Variants in INTS6 observed in about 807,000 individuals in gnomAD.
The protein encoded by INTS6 is DEAD box protein.
INTS6 carries 16 observed loss-of-function variants against 104.9 expected under a neutral mutation model. That is an observed-to-expected ratio of 0.15 (90% CI 0.10 to 0.23). The LOEUF is 0.23. Ranked by LOEUF, INTS6 falls within the 10% of genes least tolerant of loss-of-function variation. INTS6 has a pLI of 1.00. For missense variants in INTS6, 584 were observed against 1,062.8 expected, an observed-to-expected ratio of 0.55 and a Z score of 6.26; for synonymous variants, 324 against 358.7, an observed-to-expected ratio of 0.90 and a Z score of 1.09.
intron 7 of INTS6, chr13:51,384,966 AT>A (rs1296617426): frequency 1.6e-5 from 4 of 247,028 alleles, no homozygotes; most frequent in African/African-American, 9.2e-5. Context: ...GGATCATATA[AT>A]TTCCCTATCT....
downstream of INTS6, chr13:51,361,335 A>C (rs750658358): frequency 6.2e-7 from 1 of 1,610,032 alleles, no homozygotes; most frequent in Non-Finnish European, 8.5e-7. Flanking sequence ...GAAGTTTTGG[A>C]GGAAGGCACC....
Position 51,393,207 on chromosome 13 carries a change from A to C in INTS6, c.613+2093T>G, listed in dbSNP as rs1258952141. ...ATTCTCCTGCCTCAGCCTCCCGAAC[A>C]GCTGGGATTACAGGCGTGTGCCATC... On this transcript the variant is annotated intron_variant, in intron 5 of 17. Transcript: ENST00000311234. 2.6e-5 allele frequency among the ~76,000 whole-genome samples: 4 copies of C among 151,942 alleles called. No homozygotes were observed. The East Asian group carries it at 7.7e-4, about 29-fold the overall frequency.
chr13:51,390,261 G>A (rs1566218877), intron 5 of INTS6, among the ~76,000 whole-genome samples: 1 of 151,860 alleles, frequency 6.6e-6, no homozygotes, highest in Non-Finnish European at 1.5e-5. Flanking sequence ...TGTATAGTAA[G>A]TAAAATATAC....
chr13:51,434,468 C>A (rs1957150216), intron 3 of INTS6, among the ~76,000 whole-genome samples: 1 of 151,956 alleles, frequency 6.6e-6, no homozygotes, highest in African/African-American at 2.4e-5. Context: ...CCTCATTGTA[C>A]CAATTATCCC....
At chr13:51,445,736 A>C (rs942729352) in intron 3 of INTS6, 22 of 152,344 alleles carry the variant, frequency 1.4e-4, no homozygotes, top group African/African-American at 5.3e-4. Flanking sequence ...TGGGGAAAAA[A>C]CATTTAAGCA....
intron 3 of INTS6, chr13:51,442,020 C>G (rs987398657): frequency 2.0e-5 from 3 of 152,088 alleles, no homozygotes; most frequent in Non-Finnish European, 2.9e-5. Flanking sequence ...GGAGTTTTAC[C>G]AGGTTGGCCA....
At chr13:51,401,908 TG>T (rs546429446) in intron 4 of INTS6, among the ~76,000 whole-genome samples, 30 of 152,202 alleles carry the variant, frequency 2.0e-4, no homozygotes, top group Admixed American at 1.9e-3. Context: ...AAAAACTAAT[TG>T]TATTCAATGA....
chr13:51,361,999 T>C lies in INTS6; in HGVS notation c.*3753A>G. 2 of 1,610,250 alleles carry C rather than the reference T, an allele frequency of 1.2e-6. No individual in the cohort carries two copies. Among genetic ancestry groups the C allele is most frequent in the Non-Finnish European group, 1.7e-6 (2 of 1,177,940 alleles). ...CTCAAAAATAAGCATTCTTTCTAGC[T>C]GTTTTTATGGTGCTTCAGAAGCTAC... On this transcript the variant is annotated 3_prime_UTR_variant, in exon 18 of 18. Coordinates refer to ENST00000311234, the MANE Select transcript of INTS6 (RefSeq NM_012141.3).
chr13:51,361,710 A>G lies in INTS6; in HGVS notation c.*4042T>C, dbSNP rs899847748. ...CAGTAAACAATCAAATGCCATTAGGATGCTTTGATTTCTTAAAAAATTAAC... is the reference window on the plus strand; with the variant it reads ...CAGTAAACAATCAAATGCCATTAGGGTGCTTTGATTTCTTAAAAAATTAAC... On this transcript the variant is annotated 3_prime_UTR_variant, in exon 18 of 18. Transcript: ENST00000311234. 2.9e-6 allele frequency: 3 copies of G among 1,036,386 alleles called. No homozygotes were observed. The highest frequency in any genetic ancestry group is 5.2e-5 in the East Asian group (2 of 38,560). 64.2% of individuals were successfully genotyped at this position (1,036,386 alleles called of 1,614,324 possible).
chr13:51,341,170 A>T, the INTS6 span: 1 of 1,614,008 alleles, frequency 6.2e-7, no homozygotes, highest in Non-Finnish European at 8.5e-7. Flanking sequence ...TGAAGGAATG[A>T]CATTGCTGAA....
chr13:51,442,783 T>C (rs1468925459), intron 3 of INTS6: 1 of 152,232 alleles, frequency 6.6e-6, no homozygotes, highest in Non-Finnish European at 1.5e-5. Context: ...AAAAGTTTCA[T>C]CTGAAACCAT....
chr13:51,358,403 T>G (rs1050251432), downstream of INTS6, among the ~76,000 whole-genome samples: 6 of 152,276 alleles, frequency 3.9e-5, no homozygotes, highest in Admixed American at 2.6e-4. Flanking sequence ...CTTTTAACCT[T>G]TTGAGTATGA....
At chr13:51,400,538 A>G (rs1398432478) in intron 4 of INTS6, among the ~76,000 whole-genome samples, 1 of 152,222 alleles carries the variant, frequency 6.6e-6, no homozygotes, top group African/African-American at 2.4e-5. Context: ...ATGGATATCC[A>G]ATTGATACAG....
At chr13:51,349,446 A>G (rs372855327), downstream of INTS6, among the ~76,000 whole-genome samples, 9 of 152,224 alleles carry the variant, frequency 5.9e-5, no homozygotes, top group African/African-American at 2.2e-4. Flanking sequence ...ATATTTCAAC[A>G]GATCTCTCAG....
chr13:51,365,044 C>T lies in INTS6; in HGVS notation c.*708G>A, dbSNP rs1478030415. On this transcript the variant is annotated 3_prime_UTR_variant, in exon 18 of 18. Transcript: ENST00000311234. ...ATGTTGGCATGGCCAACAAAAACTACGAACATATAGTAAAAAGGCAATGCA... is the reference window on the plus strand; with the variant it reads ...ATGTTGGCATGGCCAACAAAAACTATGAACATATAGTAAAAAGGCAATGCA... 2.6e-5 allele frequency: 4 copies of T among 152,412 alleles called. No individual in the cohort carries two copies. The highest frequency in any genetic ancestry group is 2.1e-4 in the South Asian group (1 of 4,826). 9.4% of individuals were successfully genotyped at this position (152,412 alleles called of 1,614,324 possible).
At chr13:51,448,187 G>C (rs1050037543) in intron 3 of INTS6, 1 of 152,134 alleles carries the variant, frequency 6.6e-6, no homozygotes, top group Admixed American at 6.5e-5. Context: ...TAGATATTAA[G>C]GCTGCTTCAG....
chr13:51,420,299 A>G (rs951554724), intron 4 of INTS6, among the ~76,000 whole-genome samples: 5 of 142,868 alleles, frequency 3.5e-5, no homozygotes, highest in African/African-American at 1.0e-4. Context: ...TACATACTTA[A>G]TTTTTTTTTT....
At chr13:51,395,530 T>C in intron 4 of INTS6, 47 bp from the exon 5 acceptor site, 1 of 1,530,432 alleles carries the variant, frequency 6.5e-7, no homozygotes, top group Non-Finnish European at 8.8e-7. Flanking sequence ...ACAGACTATT[T>C]TTTCAAAAAG....
chr13:51,412,508 T>A (rs889145675), intron 4 of INTS6, among the ~76,000 whole-genome samples: 1 of 152,168 alleles, frequency 6.6e-6, no homozygotes, highest in Non-Finnish European at 1.5e-5. Flanking sequence ...AATCTTTCCA[T>A]GCGGACACAA....
Sources: allele counts gnomAD v4.1 joint callset (sites outside exome capture counted in the v4.1 genomes callset), GRCh38; gene constraint gnomAD v4.1.1; transcripts MANE v1.5; gene names NCBI Gene and HGNC (gene_info 2026-07-23, HGNC 2026-07-21).